TOX2: variants seen among roughly 807,000 people sequenced by gnomAD.
TOX2 encodes the protein TOX high mobility group box family member 2, also known as granulosa cell HMG box 1.
A neutral mutation model predicts 47.4 loss-of-function variants in TOX2; 15 were observed. The observed-to-expected ratio is 0.32, with a 90% CI of 0.21 to 0.49. TOX2 has a LOEUF of 0.49. Among genes scored for constraint, TOX2 ranks in the 20% least tolerant of loss-of-function variants. The pLI, the probability that TOX2 is intolerant of heterozygous loss-of-function variation, is 0.99. For missense variants in TOX2, 622 were observed against 673.1 expected, an observed-to-expected ratio of 0.92 and a Z score of 0.84; for synonymous variants, 290 against 296.6, an observed-to-expected ratio of 0.98 and a Z score of 0.23.
At chr20:44,030,038 T>G (rs1041797815) in intron 3 of TOX2, among the ~76,000 whole-genome samples, 2 of 152,104 alleles carry the variant, frequency 1.3e-5, no homozygotes, top group Non-Finnish European at 1.5e-5. Context: ...CATGGCTGGG[T>G]ACCACAAGGG....
chr20:43,952,438 C>T (rs1258456348), intron 1 of TOX2, among the ~76,000 whole-genome samples: 1 of 152,162 alleles, frequency 6.6e-6, no homozygotes, highest in Non-Finnish European at 1.5e-5. Flanking sequence ...ACTATGTGTT[C>T]CATGACAATC....
chr20:43,925,878 G>A (rs1342300035), intron 1 of TOX2, among the ~76,000 whole-genome samples: 2 of 152,224 alleles, frequency 1.3e-5, no homozygotes, highest in Non-Finnish European at 2.9e-5. Context: ...AAGGGTGGCA[G>A]AGGGGGCTGT....
At chr20:43,959,719 G>A (rs558845567) in intron 1 of TOX2, among the ~76,000 whole-genome samples, 4 of 152,322 alleles carry the variant, frequency 2.6e-5, no homozygotes, top group South Asian at 2.1e-4. Flanking sequence ...CCCGACGTAC[G>A]CTCATGCGGC....
rs1354210212 is a variant in TOX2, at chr20:44,051,387, G to T, written c.493G>T (p.Ala165Ser). Residue 165 changes from alanine to serine, a missense_variant, in exon 4 of 9, where the codon GCC becomes TCC. Physicochemically the swap from Ala to Ser is moderately conservative, Grantham distance 99. Around this residue, in one of 3 missense-constraint regions of TOX2, gnomAD observed 307 missense variants for 327.3 expected, o/e 0.94. Transcript: ENST00000341197. ...GPLLGRPAML[A>S]SHMSALSQSQ... ...CCTGCTGGGTCGCCCGGCAATGCTGGCCAGCCACATGAGTGCCCTCAGCCA... is the reference window on the plus strand; with the variant it reads ...CCTGCTGGGTCGCCCGGCAATGCTGTCCAGCCACATGAGTGCCCTCAGCCA... 1 of 1,613,874 alleles carries T rather than the reference G, an allele frequency of 6.2e-7. No homozygotes were observed. The highest frequency in any genetic ancestry group is 1.7e-5 in the Admixed American group (1 of 60,016).
At chr20:43,940,524 A>T (rs566997237) in intron 1 of TOX2, among the ~76,000 whole-genome samples, 43 of 141,794 alleles carry the variant, frequency 3.0e-4, no homozygotes. Context: ...GCACCTGGCA[A>T]CTTTTTTTTT....
At chr20:44,061,669 A>T (rs1001233449) in intron 5 of TOX2, among the ~76,000 whole-genome samples, 2 of 152,110 alleles carry the variant, frequency 1.3e-5, no homozygotes, top group Admixed American at 6.5e-5. Context: ...AGAGGAAGTC[A>T]AAGTGTTGCT....
chr20:43,917,907 T>TTTTTGAG (rs2069075535), intron 1 of TOX2, among the ~76,000 whole-genome samples: 2 of 152,192 alleles, frequency 1.3e-5, no homozygotes, highest in Admixed American at 1.3e-4. Context: ...GCCCCATGGC[T>TTTTTGAG]CCCAGGATCT....
chr20:43,948,473 C>T (rs1375320248), intron 1 of TOX2, among the ~76,000 whole-genome samples: 3 of 152,200 alleles, frequency 2.0e-5, no homozygotes, highest in East Asian at 1.9e-4. Flanking sequence ...CCTCGGCCGG[C>T]GGCATCCCTG....
chr20:44,004,829 T>C (rs1398533934), intron 2 of TOX2, among the ~76,000 whole-genome samples: 3 of 152,254 alleles, frequency 2.0e-5, no homozygotes, highest in Non-Finnish European at 4.4e-5. Context: ...TGTTATTTCT[T>C]ACATGCTATT....
intron 1 of TOX2, among the ~76,000 whole-genome samples, chr20:43,937,742 C>T (rs1039641700): frequency 1.2e-4 from 18 of 152,270 alleles, no homozygotes; most frequent in Non-Finnish European, 2.4e-4. Flanking sequence ...ACCGCAGCAT[C>T]GAGTCCCCAT....
intron 4 of TOX2, 135 bp downstream of exon 4, chr20:44,051,680 T>G: frequency 1.5e-6 from 2 of 1,336,560 alleles, no homozygotes; most frequent in Admixed American, 3.0e-5. Flanking sequence ...GTAGGTGCCA[T>G]TCCCACTGAG....
At chr20:43,920,512 T>C (rs2069101937) in intron 1 of TOX2, among the ~76,000 whole-genome samples, 1 of 152,148 alleles carries the variant, frequency 6.6e-6, no homozygotes, top group Admixed American at 6.5e-5. Flanking sequence ...CAGGGAACGC[T>C]AGATGGATGT....
At chr20:44,010,184 C>T (rs2070756175) in intron 3 of TOX2, among the ~76,000 whole-genome samples, 1 of 152,274 alleles carries the variant, frequency 6.6e-6, no homozygotes, top group Middle Eastern at 3.4e-3. Context: ...ACTGCAGACG[C>T]CCTCAGGTAC....
chr20:43,916,680 C>T lies in TOX2; in HGVS notation c.99+1690C>T, dbSNP rs2069058848. Among the ~76,000 whole-genome samples the T allele has an allele frequency of 6.6e-6, 1 of 152,096 alleles. No homozygotes were observed. The highest frequency in any genetic ancestry group is 2.4e-5 in the African/African-American group (1 of 41,416). On this transcript the variant is annotated intron_variant, in intron 1 of 8. Transcript: ENST00000341197. This position sits in a 1 kb window ranked among gnomAD's most constrained non-coding sequence, Gnocchi z 5.0. ...CAGCTGGTCTGTCTTCTGCCCTTGG[C>T]TTTGTTATTTTTCAAAATGTGAAGT...
intron 3 of TOX2, among the ~76,000 whole-genome samples, chr20:44,022,013 G>A (rs1037480649): frequency 6.6e-6 from 1 of 152,160 alleles, no homozygotes; most frequent in Non-Finnish European, 1.5e-5. Flanking sequence ...ATGTGGTAGG[G>A]AGCAGGCTCA....
chr20:43,991,193 A>G (rs2070361620), intron 2 of TOX2, among the ~76,000 whole-genome samples: 1 of 152,198 alleles, frequency 6.6e-6, no homozygotes, highest in African/African-American at 2.4e-5. Context: ...CTTCATGAGA[A>G]GATGCTAAGA....
intron 1 of TOX2, among the ~76,000 whole-genome samples, chr20:43,955,756 T>C (rs2069657940): frequency 6.6e-6 from 1 of 152,258 alleles, no homozygotes; most frequent in South Asian, 2.1e-4. Context: ...TATAAATTTC[T>C]AGTTTTGAAT....
intron 5 of TOX2, among the ~76,000 whole-genome samples, chr20:44,060,815 G>A (rs905269300): frequency 3.9e-5 from 6 of 152,044 alleles, no homozygotes; most frequent in Non-Finnish European, 7.4e-5. Context: ...GTCTGAAAGA[G>A]CACAAATAGA....
intron 3 of TOX2, among the ~76,000 whole-genome samples, chr20:44,012,450 G>A (rs192057793): frequency 6.6e-6 from 1 of 152,330 alleles, no homozygotes; most frequent in Admixed American, 6.5e-5. Context: ...CCCGACAGTA[G>A]CTATAGATTC....
Sources: allele counts gnomAD v4.1 joint callset (sites outside exome capture counted in the v4.1 genomes callset), GRCh38; gene constraint gnomAD v4.1.1; regional missense constraint gnomAD v4.1.1; non-coding constraint Gnocchi (gnomAD v3.1); transcripts MANE v1.5; gene names NCBI Gene and HGNC (gene_info 2026-07-23, HGNC 2026-07-21).